The following CNTNAP5 variants were observed in gnomAD, a reference collection of about 807,000 sequenced individuals.
The protein encoded by CNTNAP5 is contactin associated protein family member 5, also known as contactin-associated protein-like 5.
In CNTNAP5, 72 loss-of-function variants were observed where a neutral mutation model predicts 150.2. The ratio of observed to expected loss-of-function variants is 0.48; its 90% CI spans 0.40 to 0.58. CNTNAP5 has a LOEUF of 0.58. Ranked by LOEUF, CNTNAP5 falls within the 20% of genes least tolerant of loss-of-function variation. The probability of loss-of-function intolerance (pLI) is 0.00; values close to 1 mark genes in which losing one functional copy is unlikely to be tolerated. For synonymous variants in CNTNAP5, 672 were observed against 619.8 expected (o/e 1.08, Z -1.25); for missense variants, 1,636 against 1,626.2 (o/e 1.01, Z -0.10).
intron 12 of CNTNAP5, among the ~76,000 whole-genome samples, chr2:124,630,301 G>T (rs542220202): frequency 6.6e-6 from 1 of 152,232 alleles, no homozygotes; most frequent in East Asian, 1.9e-4. Flanking sequence ...TATCCCTGAT[G>T]AACATTGATA....
intron 10 of CNTNAP5, among the ~76,000 whole-genome samples, chr2:124,534,959 A>G (rs1695195086): frequency 6.6e-6 from 1 of 152,178 alleles, no homozygotes; most frequent in South Asian, 2.1e-4. Flanking sequence ...TATTCAAGAC[A>G]GTCACTCTGG....
intron 17 of CNTNAP5, among the ~76,000 whole-genome samples, chr2:124,786,968 G>A (rs879293143): frequency 2.0e-5 from 3 of 152,068 alleles, no homozygotes; most frequent in Admixed American, 6.5e-5. Context: ...GTGTCATTAC[G>A]GTTTGTCAGC....
chr2:124,657,079 G>A (rs188686396), intron 13 of CNTNAP5, among the ~76,000 whole-genome samples: 5 of 152,270 alleles, frequency 3.3e-5, no homozygotes, highest in South Asian at 2.1e-4. Context: ...CAGCGGCAAG[G>A]AGAACATTAG....
At chr2:124,283,105 G>A (rs1688057099) in intron 3 of CNTNAP5, among the ~76,000 whole-genome samples, 1 of 151,998 alleles carries the variant, frequency 6.6e-6, no homozygotes, top group Non-Finnish European at 1.5e-5. Flanking sequence ...TGCCTAGGCA[G>A]GAGCAAATCT....
At chr2:124,109,472 G>A (rs969651259) in intron 1 of CNTNAP5, among the ~76,000 whole-genome samples, 2 of 152,224 alleles carry the variant, frequency 1.3e-5, no homozygotes, top group African/African-American at 2.4e-5. Context: ...TGAGGTAGGC[G>A]CATCAGTAGT....
intron 12 of CNTNAP5, among the ~76,000 whole-genome samples, chr2:124,644,640 A>G (rs914572907): frequency 1.3e-5 from 2 of 152,184 alleles, no homozygotes; most frequent in African/African-American, 4.8e-5. Flanking sequence ...TTGGAATCAG[A>G]TTGGATGCAC....
At chr2:124,594,887 C>A (rs1400366822) in intron 11 of CNTNAP5, among the ~76,000 whole-genome samples, 1 of 98,946 alleles carries the variant, frequency 1.0e-5, no homozygotes, top group Non-Finnish European at 2.0e-5. Flanking sequence ...GTATTTTATT[C>A]TCTTTGAAGC....
At chr2:124,208,578 G>A (rs887338857) in intron 1 of CNTNAP5, among the ~76,000 whole-genome samples, 26 of 152,266 alleles carry the variant, frequency 1.7e-4, no homozygotes, top group African/African-American at 6.0e-4. Context: ...TTCTAGAAGA[G>A]AATAAATATA....
chr2:124,100,864 CA>C (rs60441145), intron 1 of CNTNAP5, among the ~76,000 whole-genome samples: 37,020 of 88,212 alleles, frequency 0.42, 3,856 homozygotes, highest in South Asian at 0.48. Flanking sequence ...GACTCTGTCT[CA>C]AAAAAAAAAA....
intron 1 of CNTNAP5, among the ~76,000 whole-genome samples, chr2:124,079,851 G>A (rs181554211): frequency 6.6e-6 from 1 of 152,242 alleles, no homozygotes; most frequent in Admixed American, 6.5e-5. Context: ...CAAAATGCAT[G>A]GGTTCAAGTC....
At chr2:124,639,804 A>C (rs1678051413) in intron 12 of CNTNAP5, among the ~76,000 whole-genome samples, 1 of 152,122 alleles carries the variant, frequency 6.6e-6, no homozygotes, top group East Asian at 1.9e-4. Flanking sequence ...GGCAATCAAA[A>C]CACTTATCAA....
chr2:124,575,259 C>A lies in CNTNAP5; in HGVS notation c.1756+11936C>A, dbSNP rs145399318. 3.9e-4 allele frequency among the ~76,000 whole-genome samples: 60 copies of A among 152,298 alleles called. No individual in the cohort carries two copies. The East Asian group carries it at 0.011, about 29-fold the overall frequency. ...AGATATATCATGCTCTAGACAAGGTCAGTTGTTAGGGAAAATCCAGGGTTC... is the reference window on the plus strand; with the variant it reads ...AGATATATCATGCTCTAGACAAGGTAAGTTGTTAGGGAAAATCCAGGGTTC... On this transcript the variant is annotated intron_variant, in intron 11 of 23. Coordinates refer to ENST00000682447, the MANE Select transcript of CNTNAP5 (RefSeq NM_001367498.1).
At chr2:124,095,765 T>A (rs909543081) in intron 1 of CNTNAP5, among the ~76,000 whole-genome samples, 1 of 152,184 alleles carries the variant, frequency 6.6e-6, no homozygotes, top group Admixed American at 6.5e-5. Context: ...TTAATATGCA[T>A]CTTTTTTTTT....
chr2:124,712,496 G>T (rs1010552452), intron 13 of CNTNAP5, among the ~76,000 whole-genome samples: 1 of 152,206 alleles, frequency 6.6e-6, no homozygotes, highest in African/African-American at 2.4e-5. Flanking sequence ...GGTTTTATTA[G>T]CATGACAGAA....
intron 6 of CNTNAP5, among the ~76,000 whole-genome samples, chr2:124,452,695 C>A (rs1693016046): frequency 6.6e-6 from 1 of 152,098 alleles, no homozygotes; most frequent in African/African-American, 2.4e-5. Flanking sequence ...GCTGAGAGAC[C>A]CACAGTTCTG....
At chr2:124,744,812 T>C (rs1016520948) in intron 13 of CNTNAP5, among the ~76,000 whole-genome samples, 2 of 152,200 alleles carry the variant, frequency 1.3e-5, no homozygotes, top group African/African-American at 4.8e-5. Context: ...GTCAAACCCC[T>C]GTTTGATCCT....
At chr2:124,845,417 T>C (rs542995283) in intron 19 of CNTNAP5, among the ~76,000 whole-genome samples, 1 of 151,582 alleles carries the variant, frequency 6.6e-6, no homozygotes, top group South Asian at 2.1e-4. Context: ...TCTATGTTCA[T>C]TGGGGATATT....
At chr2:124,337,849 T>C (rs551829950) in intron 3 of CNTNAP5, among the ~76,000 whole-genome samples, 86 of 152,086 alleles carry the variant, frequency 5.7e-4, no homozygotes, top group South Asian at 4.8e-3. Flanking sequence ...ATTGACTTGG[T>C]GATGCGGGCT....
At chr2:124,570,452 G>A (rs1280688359) in intron 11 of CNTNAP5, among the ~76,000 whole-genome samples, 2 of 152,110 alleles carry the variant, frequency 1.3e-5, no homozygotes, top group Non-Finnish European at 2.9e-5. Flanking sequence ...TGAAATGGGG[G>A]AGGCAGGAAG....
Sources: allele counts gnomAD v4.1 joint callset (sites outside exome capture counted in the v4.1 genomes callset), GRCh38; gene constraint gnomAD v4.1.1; transcripts MANE v1.5; gene names NCBI Gene and HGNC (gene_info 2026-07-23, HGNC 2026-07-21).